Variants in STRN observed in about 807,000 individuals in gnomAD.
STRN encodes the protein protein phosphatase 2 regulatory subunit B'''alpha.
STRN carries 53 observed loss-of-function variants against 96.3 expected under a neutral mutation model. The ratio of observed to expected loss-of-function variants is 0.55; its 90% CI spans 0.44 to 0.69. The LOEUF is 0.69. Ranked by LOEUF, STRN falls within the 30% of genes least tolerant of loss-of-function variation. STRN has a pLI of 0.00. For missense variants in STRN, 987 were observed against 963.9 expected, an observed-to-expected ratio of 1.02 and a Z score of -0.32; for synonymous variants, 428 against 355.9, an observed-to-expected ratio of 1.20 and a Z score of -2.28.
intron 12 of STRN, among the ~76,000 whole-genome samples, chr2:36,862,041 T>G (rs920678730): frequency 2.6e-5 from 4 of 152,186 alleles, no homozygotes; most frequent in Non-Finnish European, 4.4e-5. Flanking sequence ...TTTCTGTTCC[T>G]GCATTAGTTT....
intron 6 of STRN, among the ~76,000 whole-genome samples, chr2:36,898,677 G>A (rs1669605558): frequency 6.6e-6 from 1 of 152,278 alleles, no homozygotes; most frequent in Non-Finnish European, 1.5e-5. Context: ...GAAGCATTAA[G>A]AAACACAAAT....
At chr2:36,873,347 A>G (rs1486834331) in intron 10 of STRN, among the ~76,000 whole-genome samples, 1 of 152,238 alleles carries the variant, frequency 6.6e-6, no homozygotes, top group Non-Finnish European at 1.5e-5. Flanking sequence ...GAAAATGAGC[A>G]GAAACAACAC....
intron 6 of STRN, among the ~76,000 whole-genome samples, chr2:36,894,485 T>C (rs1669487271): frequency 1.3e-5 from 2 of 152,308 alleles, no homozygotes; most frequent in South Asian, 4.1e-4. Flanking sequence ...TATTTAGAAA[T>C]AACTCTGGAA....
chr2:36,863,085 A>G (rs868266151), intron 12 of STRN, among the ~76,000 whole-genome samples: 46 of 152,178 alleles, frequency 3.0e-4, no homozygotes, highest in Middle Eastern at 3.4e-3. Flanking sequence ...CCTTTGTCAG[A>G]TTCATAGTTT....
At chr2:36,869,069 G>C (rs185078726) in intron 11 of STRN, among the ~76,000 whole-genome samples, 1 of 152,134 alleles carries the variant, frequency 6.6e-6, no homozygotes, top group African/African-American at 2.4e-5. Flanking sequence ...ATATTGGTGG[G>C]TATGGAAAGT....
chr2:36,922,539 AAATT>A, intron 2 of STRN, among the ~76,000 whole-genome samples: 1 of 151,704 alleles, frequency 6.6e-6, no homozygotes, highest in East Asian at 1.9e-4. Flanking sequence ...AAAAAAAAAA[AAATT>A]AAACCTCCCA....
At chr2:36,873,737 G>C (rs1668824972) in intron 10 of STRN, among the ~76,000 whole-genome samples, 1 of 151,912 alleles carries the variant, frequency 6.6e-6, no homozygotes, top group Non-Finnish European at 1.5e-5. Flanking sequence ...GAGGTCAGGA[G>C]ATTGAGACCA....
intron 1 of STRN, among the ~76,000 whole-genome samples, chr2:36,952,449 G>GAAAAAAAAA (rs10557458): frequency 2.6e-5 from 2 of 76,926 alleles, no homozygotes; most frequent in Non-Finnish European, 2.8e-5. Flanking sequence ...AAGCACGAGA[G>GAAAAAAAAA]AAAAAAAAAA....
intron 1 of STRN, among the ~76,000 whole-genome samples, chr2:36,930,462 G>A (rs533421586): frequency 6.6e-6 from 1 of 151,242 alleles, no homozygotes; most frequent in African/African-American, 2.4e-5. Context: ...ATTATCATTT[G>A]GTGACATCAA....
At chr2:36,934,685 T>A (rs1460619364) in intron 1 of STRN, among the ~76,000 whole-genome samples, 1 of 152,232 alleles carries the variant, frequency 6.6e-6, no homozygotes, top group Non-Finnish European at 1.5e-5. Context: ...AAGCCCAAAC[T>A]CTTCCCAACG....
At chr2:36,878,817 A>C (rs968808476) in intron 9 of STRN, among the ~76,000 whole-genome samples, 1 of 151,892 alleles carries the variant, frequency 6.6e-6, no homozygotes, top group Non-Finnish European at 1.5e-5. Flanking sequence ...CAGTGGTGAC[A>C]TCTTGGCTCA....
chr2:36,935,176 T>C (rs185960847), intron 1 of STRN, among the ~76,000 whole-genome samples: 12 of 152,342 alleles, frequency 7.9e-5, no homozygotes, highest in Admixed American at 2.0e-4. Context: ...CTCCATGCCT[T>C]GGCTTATGCC....
At position 36,845,892 on chromosome 2, in the gene STRN, CA is replaced by C. The variant is rs1307947161; in HGVS notation, c.*3563del. ...ACCTTCACAGATTGGTAAACACACA[CA>C]CACACACACACACGCATGCATGCAC... On this transcript the variant is annotated 3_prime_UTR_variant, in exon 18 of 18. Transcript: ENST00000263918. The C allele has an allele frequency of 2.1e-5, 1 of 48,386 alleles. No individual in the cohort carries two copies. The highest frequency in any genetic ancestry group is 6.2e-5 in the African/African-American group (1 of 16,066). The allele number at this position is 48,386 out of a possible 1,614,324, so 3.0% of individuals were successfully genotyped here.
chr2:36,952,757 G>T (rs921710763), intron 1 of STRN, among the ~76,000 whole-genome samples: 4 of 152,192 alleles, frequency 2.6e-5, no homozygotes, highest in African/African-American at 9.7e-5. Context: ...CTAGGGCCAT[G>T]GATACCTTCT....
At chr2:36,963,397 T>C (rs1326396508) in intron 1 of STRN, among the ~76,000 whole-genome samples, 1 of 152,184 alleles carries the variant, frequency 6.6e-6, no homozygotes, top group African/African-American at 2.4e-5. Context: ...TGAGCCGTAT[T>C]TCATCACAAC....
At chr2:36,898,620 T>C (rs1370621577) in intron 6 of STRN, among the ~76,000 whole-genome samples, 1 of 152,230 alleles carries the variant, frequency 6.6e-6, no homozygotes, top group Non-Finnish European at 1.5e-5. Flanking sequence ...AAGGTTAAGA[T>C]GGCTATTTAT....
intron 10 of STRN, among the ~76,000 whole-genome samples, chr2:36,876,329 G>C (rs376989669): frequency 6.6e-6 from 1 of 151,928 alleles, no homozygotes; most frequent in East Asian, 1.9e-4. Flanking sequence ...AGAATGGAGT[G>C]CAAGGAGTCC....
chr2:36,870,501 T>C (rs974070109), intron 10 of STRN, among the ~76,000 whole-genome samples: 6 of 152,280 alleles, frequency 3.9e-5, no homozygotes, highest in South Asian at 2.1e-4. Flanking sequence ...GGACCACATA[T>C]ATGATGCTGG....
At chr2:36,883,876 A>C (rs1485960391) in intron 9 of STRN, 56 bp downstream of exon 9, 1 of 1,306,860 alleles carries the variant, frequency 7.7e-7, no homozygotes, top group East Asian at 2.8e-5. Context: ...TAATGAATGA[A>C]TTTAAAGATA....
Sources: gnomAD v4.1 joint callset for allele counts (sites outside exome capture counted in the v4.1 genomes callset) on GRCh38, gnomAD v4.1.1 for gene constraint, MANE v1.5 for transcripts, NCBI Gene and HGNC (gene_info 2026-07-23, HGNC 2026-07-21) for gene names.